The following MAP7D2 variants were observed in gnomAD, a reference collection of about 807,000 sequenced individuals.
MAP7D2 encodes MAP7 domain containing 2, also known as MAP7 domain-containing protein 2.
Under a neutral mutation model 63.5 loss-of-function variants are expected in MAP7D2, and 33 were observed. The observed-to-expected ratio is 0.52, with a 90% CI of 0.39 to 0.70. The LOEUF is 0.70. MAP7D2 is among the 30% of genes least tolerant of loss of function. MAP7D2 has a pLI of 0.00. For synonymous variants in MAP7D2, 224 were observed against 223.7 expected (o/e 1.00, Z -0.01); for missense variants, 626 against 604.0 (o/e 1.04, Z -0.38).
chrX:20,110,796 T>C (rs986620839), intron 1 of MAP7D2, among the ~76,000 whole-genome samples: 2 of 110,951 alleles, frequency 1.8e-5, no homozygotes, highest in African/African-American at 6.6e-5. Flanking sequence ...AAATCCCCCA[T>C]GGATACCAAG....
At chrX:20,096,823 G>A (rs2066284648) in intron 1 of MAP7D2, among the ~76,000 whole-genome samples, 1 of 112,435 alleles carries the variant, frequency 8.9e-6, no homozygotes, top group Non-Finnish European at 1.9e-5. Flanking sequence ...GTCCTCACCT[G>A]TAAGAATCCA....
chrX:20,103,378 G>A (rs1265495222), intron 1 of MAP7D2, among the ~76,000 whole-genome samples: 1 of 111,509 alleles, frequency 9.0e-6, no homozygotes, highest in Non-Finnish European at 1.9e-5. Flanking sequence ...GGGCCACCAC[G>A]GAGCCAGGAA....
chrX:20,108,590 T>A (rs774589446), intron 1 of MAP7D2, among the ~76,000 whole-genome samples: 1 of 110,613 alleles, frequency 9.0e-6, no homozygotes, highest in East Asian at 2.8e-4. Flanking sequence ...TGTTACTTAA[T>A]GAGCTCTTTA....
chrX:20,087,023 C>T (rs756595726), intron 1 of MAP7D2, among the ~76,000 whole-genome samples: 3 of 112,120 alleles, frequency 2.7e-5, no homozygotes, highest in Non-Finnish European at 3.8e-5. Flanking sequence ...TTCCTGAGGT[C>T]ACAGAACTGG....
intron 1 of MAP7D2, among the ~76,000 whole-genome samples, chrX:20,087,154 A>C (rs2065929735): frequency 8.9e-6 from 1 of 112,183 alleles, no homozygotes. Context: ...CATGATTTAC[A>C]AAGGAAAATA....
At chrX:20,028,555 C>G (rs189404010) in intron 8 of MAP7D2, among the ~76,000 whole-genome samples, 1 of 111,780 alleles carries the variant, frequency 8.9e-6, no homozygotes, top group East Asian at 2.8e-4. Context: ...ATTAGCTGAG[C>G]CTGCATTTAG....
At chrX:20,055,814 G>T in intron 4 of MAP7D2, 1 of 990,262 alleles carries the variant, frequency 1.0e-6, no homozygotes, top group Non-Finnish European at 1.3e-6. Flanking sequence ...AGGAGGGGGT[G>T]GGGTATTTTC....
At position 20,094,520 on chromosome X, in the gene MAP7D2, A is replaced by G. The variant is rs1273794294; in HGVS notation, c.130+22230T>C. Among the ~76,000 whole-genome samples, 35 of 10,061 alleles carry G rather than the reference A, an allele frequency of 3.5e-3. 2 individuals carry two copies. The highest frequency in any genetic ancestry group is 7.9e-3 in the South Asian group (2 of 253). 8.7% of individuals were successfully genotyped at this position (10,061 alleles called of 115,157 possible). ...TATATATATATATATATATATGTAT[A>G]TATATATATATATATATATATGTAT... On this transcript the variant is annotated intron_variant, in intron 1 of 16. Transcript: ENST00000379643.
chrX:20,016,394 T>C (rs1315543467), intron 10 of MAP7D2, 69 bp from the exon 11 acceptor site: 1 of 946,510 alleles, frequency 1.1e-6, no homozygotes, highest in African/African-American at 1.9e-5. Context: ...AACTGTGTGC[T>C]GACAGCCGAG....
At chrX:20,102,635 C>T (rs1185462517) in intron 1 of MAP7D2, among the ~76,000 whole-genome samples, 2 of 110,512 alleles carry the variant, frequency 1.8e-5, no homozygotes, top group Non-Finnish European at 3.8e-5. Flanking sequence ...GTGACCTGGA[C>T]GGACGGACAG....
At chrX:20,052,430 A>AGC in intron 5 of MAP7D2, 2 of 292,751 alleles carry the variant, frequency 6.8e-6, no homozygotes, top group Non-Finnish European at 1.3e-5. Context: ...GCAGGCCTAT[A>AGC]AACCACAGAT....
chrX:20,022,897 A>G (rs754001914), intron 10 of MAP7D2, among the ~76,000 whole-genome samples: 3 of 112,448 alleles, frequency 2.7e-5, no homozygotes, highest in Non-Finnish European at 5.6e-5. Flanking sequence ...GTGCTGCCCA[A>G]TGTGGTGTGG....
intron 1 of MAP7D2, among the ~76,000 whole-genome samples, chrX:20,111,206 A>T (rs2066733096): frequency 9.0e-6 from 1 of 111,638 alleles, no homozygotes; most frequent in African/African-American, 3.3e-5. Flanking sequence ...GGAGCAGCAG[A>T]ACTTCTCCAA....
chrX:20,056,645 C>A (rs763097322), intron 4 of MAP7D2, 35 bp downstream of exon 4: 1 of 1,133,704 alleles, frequency 8.8e-7, no homozygotes, highest in African/African-American at 1.8e-5. Flanking sequence ...ATTTCCCACC[C>A]AGGACCTGAA....
At chrX:20,054,257 T>C (rs2065018448) in intron 4 of MAP7D2, among the ~76,000 whole-genome samples, 1 of 112,600 alleles carries the variant, frequency 8.9e-6, no homozygotes, top group Non-Finnish European at 1.9e-5. Flanking sequence ...TTTTTCCATA[T>C]TTTAAACTAC....
chrX:20,076,428 G>A (rs976030272), intron 1 of MAP7D2, among the ~76,000 whole-genome samples: 1 of 111,899 alleles, frequency 8.9e-6, no homozygotes, highest in Non-Finnish European at 1.9e-5. Flanking sequence ...TATACAGGCC[G>A]GGCGCAGTGG....
chrX:20,108,888 G>A (rs1280403057), intron 1 of MAP7D2, among the ~76,000 whole-genome samples: 3 of 110,574 alleles, frequency 2.7e-5, no homozygotes, highest in African/African-American at 6.6e-5. Context: ...GCAGGAAGCC[G>A]ATTAAGGGTA....
chrX:20,107,776 A>T (rs1354816152), intron 1 of MAP7D2, among the ~76,000 whole-genome samples: 1 of 110,775 alleles, frequency 9.0e-6, no homozygotes, highest in Non-Finnish European at 1.9e-5. Flanking sequence ...TATTTTTAAA[A>T]TTTTTTTCCT....
intron 1 of MAP7D2, among the ~76,000 whole-genome samples, chrX:20,109,389 G>A (rs1193036414): frequency 9.2e-6 from 1 of 108,434 alleles, no homozygotes; most frequent in African/African-American, 3.4e-5. Flanking sequence ...GCATGGTGGT[G>A]CACGCCTGTA....
Sources: gnomAD v4.1 joint callset for allele counts (sites outside exome capture counted in the v4.1 genomes callset) on GRCh38, gnomAD v4.1.1 for gene constraint, MANE v1.5 for transcripts, NCBI Gene and HGNC (gene_info 2026-07-23, HGNC 2026-07-21) for gene names.